The following KIAA1671 variants were observed in gnomAD, a reference collection of about 807,000 sequenced individuals.
The protein encoded by KIAA1671 is uncharacterized protein KIAA1671.
Under a neutral mutation model 131.2 loss-of-function variants are expected in KIAA1671, and 52 were observed. The observed-to-expected ratio is 0.40, with a 90% CI of 0.32 to 0.50. The LOEUF (loss-of-function observed/expected upper bound fraction) is 0.50, where lower values mean the gene tolerates loss of function less well. KIAA1671 is among the 20% of genes least tolerant of loss of function. The pLI is 0.73. For missense variants in KIAA1671, 2,360 were observed against 2,364.2 expected (o/e 1.00, Z 0.04); for synonymous variants, 1,003 against 961.6 (o/e 1.04, Z -0.80).
At chr22:25,105,617 C>T (rs908109854) in intron 6 of KIAA1671, among the ~76,000 whole-genome samples, 4 of 152,120 alleles carry the variant, frequency 2.6e-5, no homozygotes, top group African/African-American at 4.8e-5. Context: ...ACTTGCAGAC[C>T]GCTCTGTACC....
chr22:25,106,741 A>C (rs1314735543), intron 6 of KIAA1671, among the ~76,000 whole-genome samples: 1 of 152,238 alleles, frequency 6.6e-6, no homozygotes, highest in Non-Finnish European at 1.5e-5. Context: ...ATTAATGCAA[A>C]AATTTGTGAT....
chr22:25,134,290 T>TG (rs145802171), intron 6 of KIAA1671, among the ~76,000 whole-genome samples: 1 of 152,140 alleles, frequency 6.6e-6, no homozygotes, highest in African/African-American at 2.4e-5. Context: ...GTGTTTACCA[T>TG]GGGTTTGGCT....
intron 1 of KIAA1671, among the ~76,000 whole-genome samples, chr22:24,956,097 G>A (rs1028697444): frequency 1.3e-5 from 2 of 152,230 alleles, no homozygotes; most frequent in South Asian, 4.2e-4. Context: ...TGGACTGGAC[G>A]TAGAGACCAA....
Position 24,965,829 on chromosome 22 carries a change from T to C in KIAA1671, c.-208+13057T>C, listed in dbSNP as rs184752346. Among the ~76,000 whole-genome samples, 432 of 151,678 alleles carry C rather than the reference T, an allele frequency of 2.8e-3. 1 individual carries two copies. The highest frequency in any genetic ancestry group is 5.4e-3 in the Admixed American group (82 of 15,226). ...TCCCAAAGAATTATTTTATAAATCA[T>C]AATGTAAATCTTCCTTGCTTGTTGT... On this transcript the variant is annotated intron_variant, in intron 1 of 12. Transcript: ENST00000358431.
intron 11 of KIAA1671, among the ~76,000 whole-genome samples, chr22:25,188,640 C>T (rs9620494): frequency 0.071 from 10,855 of 152,016 alleles, 1,255 homozygotes; most frequent in African/African-American, 0.24. Flanking sequence ...TAACCACATA[C>T]GTATATTTTG....
chr22:25,088,831 T>C (rs563735295), intron 6 of KIAA1671, among the ~76,000 whole-genome samples: 1 of 152,198 alleles, frequency 6.6e-6, no homozygotes, highest in South Asian at 2.1e-4. Context: ...CATAAGACAA[T>C]GTCTGTGCCT....
intron 6 of KIAA1671, chr22:25,070,233 C>G (rs899790920): frequency 5.0e-6 from 2 of 400,182 alleles, no homozygotes; most frequent in East Asian, 7.2e-5. Context: ...GTCCCCTGGC[C>G]GTGAGCCGGC....
At chr22:25,179,360 G>A (rs1934176918) in intron 9 of KIAA1671, 4 of 1,602,024 alleles carry the variant, frequency 2.5e-6, no homozygotes, top group East Asian at 4.5e-5. Flanking sequence ...CCTCGGCCGC[G>A]TGCAGCTCCT....
chr22:25,066,111 T>C (rs1928465499), intron 6 of KIAA1671, among the ~76,000 whole-genome samples: 1 of 151,842 alleles, frequency 6.6e-6, no homozygotes, highest in Non-Finnish European at 1.5e-5. Flanking sequence ...AGGGGTGAGC[T>C]CACCCCTTCA....
At chr22:24,968,476 G>C (rs1156377826) in intron 1 of KIAA1671, among the ~76,000 whole-genome samples, 4 of 152,164 alleles carry the variant, frequency 2.6e-5, no homozygotes, top group African/African-American at 9.7e-5. Context: ...TCATGTCCTG[G>C]CTCTGTTTTC....
chr22:24,987,117 C>G (rs1923586344), intron 1 of KIAA1671, among the ~76,000 whole-genome samples: 1 of 151,548 alleles, frequency 6.6e-6, no homozygotes, highest in African/African-American at 2.4e-5. Context: ...TTTCATGTGT[C>G]ATGAAATACT....
At position 25,039,259 on chromosome 22, in the gene KIAA1671, A is replaced by G. The variant is rs530114371; in HGVS notation, c.2129A>G (p.Asn710Ser). 712 of 1,552,302 alleles carry G rather than the reference A, an allele frequency of 4.6e-4. 14 individuals are homozygous for G. The South Asian group carries it at 8.0e-3, about 17-fold the overall frequency. ...PLRDKYPLSE[N>S]HNNNTFLKHL... ...CGGGACAAATACCCTTTGTCTGAAA[A>G]CCACAATAATAACACCTTCCTCAAA... The change falls in exon 5 of 13, where the codon AAC becomes AGC. Residue 710 changes from asparagine (N) to serine (S), a missense_variant. Coordinates refer to ENST00000358431, the MANE Select transcript of KIAA1671 (RefSeq NM_001145206.2).
At chr22:24,983,896 A>T (rs1923368682) in intron 1 of KIAA1671, among the ~76,000 whole-genome samples, 1 of 149,986 alleles carries the variant, frequency 6.7e-6, no homozygotes, top group Admixed American at 6.7e-5. Flanking sequence ...CTCCTGCCTC[A>T]GCCTCCCAAG....
At chr22:25,105,417 G>A (rs1282436849) in intron 6 of KIAA1671, among the ~76,000 whole-genome samples, 1 of 152,148 alleles carries the variant, frequency 6.6e-6, no homozygotes, top group Non-Finnish European at 1.5e-5. Context: ...TTACTTCCTG[G>A]ATCTCAGCAG....
At chr22:25,111,239 G>C (rs982379903) in intron 6 of KIAA1671, among the ~76,000 whole-genome samples, 5 of 152,210 alleles carry the variant, frequency 3.3e-5, no homozygotes, top group Admixed American at 6.5e-5. Context: ...CACACACACA[G>C]AGTGCACACA....
intron 6 of KIAA1671, among the ~76,000 whole-genome samples, chr22:25,151,206 C>G (rs1428963331): frequency 6.6e-6 from 1 of 151,654 alleles, no homozygotes; most frequent in Non-Finnish European, 1.5e-5. Flanking sequence ...TAGAGAGAAA[C>G]AAGAACAAGG....
At position 24,991,194 on chromosome 22, in the gene KIAA1671, T is replaced by C. The variant is rs564182546; in HGVS notation, c.-207-34439T>C. 4.6e-5 allele frequency among the ~76,000 whole-genome samples: 7 copies of C among 150,984 alleles called. No individual in the cohort carries two copies. In the East Asian group the frequency reaches 1.4e-3, roughly 30 times the overall value. ...ACCACCATGCCCAGCTAATTTTTTT[T>C]GTATTTTTAGTAGAGACGGGGTTTC... is the stretch of plus-strand genomic sequence containing the variant. On this transcript the variant is annotated intron_variant, in intron 1 of 12. Coordinates refer to ENST00000358431, the MANE Select transcript of KIAA1671 (RefSeq NM_001145206.2).
At chr22:25,044,163 T>G (rs1020443541) in intron 5 of KIAA1671, among the ~76,000 whole-genome samples, 9 of 152,240 alleles carry the variant, frequency 5.9e-5, no homozygotes, top group Admixed American at 3.3e-4. Flanking sequence ...TCCACGCTGC[T>G]ACTTGCCTGC....
intron 1 of KIAA1671, among the ~76,000 whole-genome samples, chr22:24,977,431 G>A (rs539004766): frequency 4.3e-4 from 66 of 152,326 alleles, no homozygotes; most frequent in Middle Eastern, 3.4e-3. Flanking sequence ...AGCAGGGATG[G>A]TAGGAGGCTT....
Sources: allele counts gnomAD v4.1 joint callset (sites outside exome capture counted in the v4.1 genomes callset), GRCh38; gene constraint gnomAD v4.1.1; transcripts MANE v1.5; gene names NCBI Gene and HGNC (gene_info 2026-07-23, HGNC 2026-07-21).